BMPR1B: variants seen among roughly 807,000 people sequenced by gnomAD.
BMPR1B encodes bone morphogenetic protein receptor type-1B.
In BMPR1B, 12 loss-of-function variants were observed where a neutral mutation model predicts 59.1. The ratio of observed to expected loss-of-function variants is 0.20; its 90% confidence interval spans 0.13 to 0.33. BMPR1B has a LOEUF of 0.33. Ranked by LOEUF, BMPR1B falls within the 10% of genes least tolerant of loss-of-function variation. BMPR1B has a pLI of 1.00. For synonymous variants in BMPR1B, 237 were observed against 207.3 expected (o/e 1.14, Z -1.23); for missense variants, 550 against 610.9 (o/e 0.90, Z 1.05).
intron 1 of BMPR1B, among the ~76,000 whole-genome samples, chr4:94,780,161 C>A (rs1164494282): frequency 6.6e-6 from 1 of 151,924 alleles, no homozygotes; most frequent in Admixed American, 6.6e-5. Flanking sequence ...AGCTTTTTTT[C>A]ATGTCACTTT....
rs141994255 is a variant in BMPR1B at position 94,981,003 on chromosome 4, A to ACGCGCGCGTACGCGCGCGCG, written c.-112-15036_-112-15035insGCGCGCGTACGCGCGCGCGC. On this transcript the variant is annotated intron_variant, in intron 2 of 12. Coordinates refer to ENST00000515059, the MANE Select transcript of BMPR1B (RefSeq NM_001203.3). ...GAGCAAGACTCCATCACACACACAC[A>ACGCGCGCGTACGCGCGCGCG]CACACACACACACACACACAAAAAG... Among the ~76,000 whole-genome samples the ACGCGCGCGTACGCGCGCGCG allele has an allele frequency of 4.7e-3, 424 of 90,836 alleles. 2 individuals are homozygous for ACGCGCGCGTACGCGCGCGCG. The highest frequency in any genetic ancestry group is 0.014 in the African/African-American group (400 of 28,456). The allele number at this position is 90,836 out of a possible 152,430, so 59.6% of individuals were successfully genotyped here.
intron 8 of BMPR1B, among the ~76,000 whole-genome samples, chr4:95,125,534 G>T (rs1355603959): frequency 6.6e-6 from 1 of 152,142 alleles, no homozygotes; most frequent in African/African-American, 2.4e-5. Context: ...ATGTTTCAGG[G>T]TAAAGTTCTG....
chr4:94,949,473 C>T (rs534624997), intron 2 of BMPR1B, among the ~76,000 whole-genome samples: 1,508 of 106,782 alleles, frequency 0.014, 213 homozygotes, highest in Non-Finnish European at 0.022. Context: ...CCTGCCACCG[C>T]GCCCGGCTGA....
chr4:95,056,636 T>C (rs1264709993), intron 3 of BMPR1B, among the ~76,000 whole-genome samples: 2 of 152,310 alleles, frequency 1.3e-5, no homozygotes, highest in Non-Finnish European at 1.5e-5. Context: ...TCTTTTCTTT[T>C]TGTTTAAAAT....
chr4:95,091,253 CTTTCTTTTTTTCT>C (rs983835301), intron 3 of BMPR1B, among the ~76,000 whole-genome samples: 7 of 151,138 alleles, frequency 4.6e-5, no homozygotes, highest in South Asian at 2.1e-4. Context: ...TTTTTCTTTT[CTTTCTTTTTTTCT>C]TTTCTTTTTT....
chr4:94,774,683 A>G (rs189964102), intron 1 of BMPR1B, among the ~76,000 whole-genome samples: 1 of 152,158 alleles, frequency 6.6e-6, no homozygotes, highest in South Asian at 2.1e-4. Flanking sequence ...CTCTGCCTGC[A>G]CTATCTTCCA....
At chr4:95,078,676 G>T (rs1344811064) in intron 3 of BMPR1B, among the ~76,000 whole-genome samples, 1 of 152,166 alleles carries the variant, frequency 6.6e-6, no homozygotes, top group Non-Finnish European at 1.5e-5. Flanking sequence ...CCTCTCACAT[G>T]CATGTTCCCA....
chr4:94,957,992 A>G (rs888208265), intron 2 of BMPR1B, among the ~76,000 whole-genome samples: 2 of 152,172 alleles, frequency 1.3e-5, no homozygotes, highest in African/African-American at 2.4e-5. Flanking sequence ...ATTCTTAAAA[A>G]TATATGGAAT....
In BMPR1B at chr4:95,096,965, TTA is replaced by T. The variant is rs1381065298; in HGVS notation, c.-17-7436_-17-7435del. 4.2e-5 allele frequency among the ~76,000 whole-genome samples: 6 copies of T among 143,854 alleles called. No individual in the cohort carries two copies. In the East Asian group the frequency reaches 5.9e-4, roughly 14 times the overall value. 94.4% of individuals were successfully genotyped at this position (143,854 alleles called of 152,430 possible). ...ATGTAACTAAAGTTATATAACTTTA[TTA>T]TATATAGTTATATAGTTTAATATAT... On this transcript the variant is annotated intron_variant, in intron 3 of 12. Coordinates refer to ENST00000515059, the MANE Select transcript of BMPR1B (RefSeq NM_001203.3).
chr4:94,913,285 C>T (rs1728356446), intron 2 of BMPR1B, among the ~76,000 whole-genome samples: 1 of 152,030 alleles, frequency 6.6e-6, no homozygotes, highest in Non-Finnish European at 1.5e-5. Context: ...AGCTTATAAC[C>T]TTATGTAAGT....
At chr4:94,857,712 A>G (rs1408104780) in intron 1 of BMPR1B, among the ~76,000 whole-genome samples, 1 of 152,164 alleles carries the variant, frequency 6.6e-6, no homozygotes, top group Non-Finnish European at 1.5e-5. Flanking sequence ...AAGCATAATA[A>G]GTGTTAGCTC....
chr4:94,885,715 A>G (rs901059461), intron 2 of BMPR1B, among the ~76,000 whole-genome samples: 6 of 152,220 alleles, frequency 3.9e-5, no homozygotes, highest in Non-Finnish European at 7.3e-5. Flanking sequence ...ATTTAAAAAT[A>G]TATGTAATCT....
intron 2 of BMPR1B, among the ~76,000 whole-genome samples, chr4:94,954,963 T>C (rs1730086755): frequency 6.6e-6 from 1 of 152,180 alleles, no homozygotes; most frequent in Admixed American, 6.6e-5. Context: ...TCTGTCTCCA[T>C]TAGGTCTTTC....
intron 1 of BMPR1B, among the ~76,000 whole-genome samples, chr4:94,800,288 G>C (rs897439091): frequency 1.3e-5 from 2 of 152,116 alleles, no homozygotes; most frequent in Admixed American, 6.5e-5. Context: ...GTGAGATTTT[G>C]TATTTGTTTA....
intron 3 of BMPR1B, among the ~76,000 whole-genome samples, chr4:95,057,316 C>T (rs1409172767): frequency 6.6e-6 from 1 of 152,070 alleles, no homozygotes; most frequent in Non-Finnish European, 1.5e-5. Flanking sequence ...GTGATCTTGG[C>T]TCACTGCAAC....
At chr4:95,001,360 A>ACG (rs1722433242) in intron 3 of BMPR1B, among the ~76,000 whole-genome samples, 2 of 152,040 alleles carry the variant, frequency 1.3e-5, no homozygotes, top group African/African-American at 4.8e-5. Flanking sequence ...AAGAATTAAG[A>ACG]TGGTATTTCT....
Position 94,765,338 on chromosome 4 carries a change from TCATG to T in BMPR1B, c.-183+7274_-183+7277del, listed in dbSNP as rs533546627. On this transcript the variant is annotated intron_variant, in intron 1 of 12. Coordinates refer to ENST00000515059, the MANE Select transcript of BMPR1B (RefSeq NM_001203.3). Reference sequence around the variant, plus strand: ...TTTGTGACTTTCGTTTTGAATTTAATCATGCATCAGTAACCCCATCTACATCAAT... The same window carrying T: ...TTTGTGACTTTCGTTTTGAATTTAATCATCAGTAACCCCATCTACATCAAT... Among the ~76,000 whole-genome samples, 15 of 152,310 alleles carry T rather than the reference TCATG, an allele frequency of 9.8e-5. No individual in the cohort carries two copies. In the South Asian group the frequency reaches 2.9e-3, roughly 29 times the overall value.
At chr4:95,007,272 C>T (rs1356889889) in intron 3 of BMPR1B, among the ~76,000 whole-genome samples, 1 of 152,104 alleles carries the variant, frequency 6.6e-6, no homozygotes, top group Non-Finnish European at 1.5e-5. Context: ...TTAGTAATAT[C>T]ACACTATGAT....
At chr4:94,981,471 A>G (rs980977825) in intron 2 of BMPR1B, among the ~76,000 whole-genome samples, 1 of 152,232 alleles carries the variant, frequency 6.6e-6, no homozygotes, top group Non-Finnish European at 1.5e-5. Flanking sequence ...AAGCTCTACC[A>G]GTGGAACTCT....
Sources: allele counts gnomAD v4.1 joint callset (sites outside exome capture counted in the v4.1 genomes callset), GRCh38; gene constraint gnomAD v4.1.1; transcripts MANE v1.5; gene names NCBI Gene and HGNC (gene_info 2026-07-23, HGNC 2026-07-21).